The following GRB14 variants were observed in gnomAD, a reference collection of about 807,000 sequenced individuals.
GRB14 encodes growth factor receptor bound protein 14.
In GRB14, 38 loss-of-function variants were observed where a neutral mutation model predicts 69.1. The observed-to-expected ratio is 0.55, with a 90% CI of 0.42 to 0.72. The LOEUF is 0.72. Ranked by LOEUF, GRB14 falls within the 30% of genes least tolerant of loss-of-function variation. The pLI, the probability that GRB14 is intolerant of heterozygous loss-of-function variation, is 0.00. For synonymous variants in GRB14, 247 were observed against 241.3 expected, an observed-to-expected ratio of 1.02 and a Z score of -0.22; for missense variants, 666 against 666.1, an observed-to-expected ratio of 1.00 and a Z score of 0.00.
At chr2:164,559,414 C>T (rs1287008250) in intron 2 of GRB14, among the ~76,000 whole-genome samples, 1 of 152,034 alleles carries the variant, frequency 6.6e-6, no homozygotes. Flanking sequence ...ATATACTGCA[C>T]CATTTGTAGT....
At chr2:164,610,017 T>C (rs1227750478) in intron 2 of GRB14, among the ~76,000 whole-genome samples, 1 of 152,206 alleles carries the variant, frequency 6.6e-6, no homozygotes, top group East Asian at 1.9e-4. Flanking sequence ...ATGCCCTGGA[T>C]GTTTACACGC....
chr2:164,513,826 A>T (rs548065560), intron 6 of GRB14, among the ~76,000 whole-genome samples: 3 of 152,328 alleles, frequency 2.0e-5, no homozygotes, highest in African/African-American at 7.2e-5. Context: ...ACAACTATAG[A>T]TGCATGAAAA....
chr2:164,612,643 C>T (rs1379842669), intron 2 of GRB14, among the ~76,000 whole-genome samples: 9 of 152,022 alleles, frequency 5.9e-5, no homozygotes, highest in Admixed American at 5.9e-4. Flanking sequence ...TTGACATAAG[C>T]TGACGTTTTT....
At chr2:164,574,801 A>G (rs538407744) in intron 2 of GRB14, among the ~76,000 whole-genome samples, 1 of 152,036 alleles carries the variant, frequency 6.6e-6, no homozygotes, top group Admixed American at 6.6e-5. Flanking sequence ...AAATACGGCC[A>G]GGTGTGGTGG....
chr2:164,596,476 G>A (rs66756157), intron 2 of GRB14, among the ~76,000 whole-genome samples: 1 of 152,078 alleles, frequency 6.6e-6, no homozygotes, highest in Non-Finnish European at 1.5e-5. Context: ...AGGACAGAGA[G>A]AGAAAGGACT....
At chr2:164,513,155 C>T (rs1203403152) in intron 6 of GRB14, among the ~76,000 whole-genome samples, 1 of 151,968 alleles carries the variant, frequency 6.6e-6, no homozygotes, top group South Asian at 2.1e-4. Flanking sequence ...GCCTTCTTCC[C>T]TTCAGTCTCT....
chr2:164,557,811 T>C (rs984492149), intron 2 of GRB14, among the ~76,000 whole-genome samples: 1 of 152,206 alleles, frequency 6.6e-6, no homozygotes, highest in Non-Finnish European at 1.5e-5. Flanking sequence ...CAGTAAATTA[T>C]AGGGTCATGC....
chr2:164,547,653 T>A lies in GRB14; in HGVS notation c.481+7A>T, dbSNP rs1367224858. 3 of 1,609,550 alleles carry A rather than the reference T, an allele frequency of 1.9e-6. No homozygotes were observed. The highest frequency in any genetic ancestry group is 3.3e-5 in the Admixed American group (2 of 59,862). ...AATGATGTGAGACAATAACTCCGTA[T>A]CCTTACCTACACCTATGTGAGGCAG... is the stretch of plus-strand genomic sequence containing the variant. On this transcript the variant is annotated splice_region_variant and intron_variant, in intron 3 of 13. Transcript: ENST00000263915.
chr2:164,538,917 G>A (rs527598388), intron 3 of GRB14, among the ~76,000 whole-genome samples: 66 of 152,192 alleles, frequency 4.3e-4, no homozygotes, highest in African/African-American at 1.5e-3. Flanking sequence ...ACGTTTATAC[G>A]AAAGTTTTCC....
chr2:164,615,516 G>T (rs1170418119), intron 2 of GRB14, among the ~76,000 whole-genome samples: 2 of 152,108 alleles, frequency 1.3e-5, no homozygotes, highest in East Asian at 3.9e-4. Context: ...TACAGTCCTT[G>T]CTTTCTTTAG....
intron 2 of GRB14, among the ~76,000 whole-genome samples, chr2:164,606,838 T>C (rs1265917735): frequency 6.6e-6 from 1 of 152,222 alleles, no homozygotes; most frequent in Non-Finnish European, 1.5e-5. Flanking sequence ...AGCCCTTTCA[T>C]CTGAATACTG....
intron 3 of GRB14, among the ~76,000 whole-genome samples, chr2:164,542,824 T>C (rs1382275434): frequency 6.6e-6 from 1 of 152,202 alleles, no homozygotes; most frequent in Non-Finnish European, 1.5e-5. Flanking sequence ...CTGTGGAAAG[T>C]AGTTTGGAGA....
At chr2:164,606,536 T>C (rs1235958378) in intron 2 of GRB14, among the ~76,000 whole-genome samples, 1 of 152,154 alleles carries the variant, frequency 6.6e-6, no homozygotes, top group Admixed American at 6.6e-5. Context: ...TATTTAGTCA[T>C]TTTTCTCTGA....
intron 2 of GRB14, among the ~76,000 whole-genome samples, chr2:164,601,684 CAT>C (rs986504950): frequency 2.0e-5 from 3 of 152,004 alleles, no homozygotes; most frequent in Non-Finnish European, 4.4e-5. Flanking sequence ...ATAAAAATAA[CAT>C]ATTTGAAATT....
chr2:164,534,516 A>T (rs1427762114), intron 3 of GRB14, among the ~76,000 whole-genome samples: 4 of 152,208 alleles, frequency 2.6e-5, no homozygotes, highest in Non-Finnish European at 5.9e-5. Flanking sequence ...TTTGAGAAGA[A>T]AATAAAAACG....
chr2:164,610,833 G>A (rs1369290207), intron 2 of GRB14, among the ~76,000 whole-genome samples: 1 of 140,698 alleles, frequency 7.1e-6, no homozygotes, highest in Non-Finnish European at 1.5e-5. Context: ...GGTAAGTGCA[G>A]CCAAGGAAAC....
At chr2:164,616,282 T>C (rs1267378626) in intron 2 of GRB14, among the ~76,000 whole-genome samples, 1 of 151,686 alleles carries the variant, frequency 6.6e-6, no homozygotes, top group African/African-American at 2.4e-5. Flanking sequence ...AAAAATTAGC[T>C]GGGCGTGGTG....
chr2:164,585,494 T>G (rs1689518159), intron 2 of GRB14, among the ~76,000 whole-genome samples: 1 of 152,114 alleles, frequency 6.6e-6, no homozygotes, highest in African/African-American at 2.4e-5. Context: ...CTGACAATAC[T>G]CCTGTGTCAT....
intron 2 of GRB14, among the ~76,000 whole-genome samples, chr2:164,608,588 AAAG>A (rs1164113880): frequency 6.9e-6 from 1 of 144,988 alleles, no homozygotes. Context: ...AAATGGAAAA[AAAG>A]AAAAAAGAAA....
Sources: allele counts gnomAD v4.1 joint callset (sites outside exome capture counted in the v4.1 genomes callset), GRCh38; gene constraint gnomAD v4.1.1; transcripts MANE v1.5; gene names NCBI Gene and HGNC (gene_info 2026-07-23, HGNC 2026-07-21).